The following PRKCB variants were observed in gnomAD, a reference collection of about 807,000 sequenced individuals.
PRKCB encodes protein kinase C beta, also known as protein kinase C beta type.
Under a neutral mutation model 81.5 loss-of-function variants are expected in PRKCB, and 13 were observed. The observed-to-expected ratio is 0.16, with a 90% CI of 0.10 to 0.25. The LOEUF is 0.25. PRKCB is among the 10% of genes least tolerant of loss of function. PRKCB has a pLI of 1.00. For synonymous variants in PRKCB, 335 were observed against 321.4 expected (o/e 1.04, Z -0.45); for missense variants, 509 against 875.7 (o/e 0.58, Z 5.29).
intron 9 of PRKCB, among the ~76,000 whole-genome samples, chr16:24,127,455 C>G (rs1233275636): frequency 6.6e-6 from 1 of 152,114 alleles, no homozygotes; most frequent in Admixed American, 6.5e-5. Context: ...CACTTTTATT[C>G]AGTTAATTTG....
At chr16:24,022,069 G>A (rs559525892) in intron 3 of PRKCB, among the ~76,000 whole-genome samples, 93 of 152,168 alleles carry the variant, frequency 6.1e-4, no homozygotes, top group South Asian at 1.2e-3. Flanking sequence ...GGATCCTGTG[G>A]AAACCTGATT....
intron 2 of PRKCB, among the ~76,000 whole-genome samples, chr16:23,894,441 A>G (rs1190039822): frequency 1.3e-5 from 2 of 152,240 alleles, no homozygotes; most frequent in African/African-American, 4.8e-5. Flanking sequence ...TAACTAATTT[A>G]CACACCACCT....
At position 23,966,545 on chromosome 16, in the gene PRKCB, A is replaced by G. The variant is rs75999385; in HGVS notation, c.206-21963A>G. Among the ~76,000 whole-genome samples the G allele has an allele frequency of 5.2e-3, 796 of 152,292 alleles. 5 individuals are homozygous for G. Among genetic ancestry groups the G allele is most frequent in the African/African-American group, 0.018 (766 of 41,564 alleles). On this transcript the variant is annotated intron_variant, in intron 2 of 16. Coordinates refer to ENST00000643927, the MANE Select transcript of PRKCB (RefSeq NM_002738.7). Reference sequence around the variant, plus strand: ...CATAGTAGCTTTTCTATAAGTGATTATTATTATTATCCCTTCGAATCTAAA... The same window carrying G: ...CATAGTAGCTTTTCTATAAGTGATTGTTATTATTATCCCTTCGAATCTAAA...
chr16:24,135,309 C>T (rs1276888787), intron 9 of PRKCB, among the ~76,000 whole-genome samples: 3 of 92,030 alleles, frequency 3.3e-5, no homozygotes, highest in African/African-American at 1.4e-4. Context: ...CCTCAGTGTC[C>T]CTTTTTTTTT....
intron 2 of PRKCB, among the ~76,000 whole-genome samples, chr16:23,919,127 A>G (rs987876697): frequency 3.3e-5 from 5 of 152,194 alleles, no homozygotes; most frequent in Admixed American, 3.3e-4. Flanking sequence ...TTAAAGGGTT[A>G]TGTAAATGTG....
In PRKCB at chr16:23,919,212, T is replaced by C. The variant is rs528525526; in HGVS notation, c.206-69296T>C. Among the ~76,000 whole-genome samples the C allele has an allele frequency of 2.8e-4, 43 of 152,298 alleles. 1 individual carries two copies. The South Asian group carries it at 8.1e-3, about 29-fold the overall frequency. ...ATATAAGTTGTTAAGGATCCAGCAG[T>C]AGAGAAAATTTCTGCACAAAAGTAA... On this transcript the variant is annotated intron_variant, in intron 2 of 16. Transcript: ENST00000643927.
intron 2 of PRKCB, among the ~76,000 whole-genome samples, chr16:23,875,810 C>CAT (rs10664787): frequency 0.12 from 6,983 of 59,614 alleles, 1,962 homozygotes; most frequent in East Asian, 0.34. Context: ...GTGTGTATAT[C>CAT]ATATATATAT....
At chr16:24,125,506 G>T (rs955435114) in intron 9 of PRKCB, among the ~76,000 whole-genome samples, 27 of 152,152 alleles carry the variant, frequency 1.8e-4, no homozygotes, top group Non-Finnish European at 7.3e-5. Flanking sequence ...CAACTTAGAC[G>T]CCACTTCTTC....
intron 9 of PRKCB, among the ~76,000 whole-genome samples, chr16:24,146,149 A>T (rs2141947434): frequency 6.6e-6 from 1 of 152,260 alleles, no homozygotes; most frequent in African/African-American, 2.4e-5. Flanking sequence ...CCTAGGAGGG[A>T]GGTGTGGATG....
At chr16:23,982,611 T>C (rs1964753240) in intron 2 of PRKCB, among the ~76,000 whole-genome samples, 1 of 151,730 alleles carries the variant, frequency 6.6e-6, no homozygotes, top group Non-Finnish European at 1.5e-5. Context: ...AAAAATTTTT[T>C]AGAGATGGAG....
intron 2 of PRKCB, among the ~76,000 whole-genome samples, chr16:23,882,022 C>CTTTCTTTCTTTCTCT (rs1567301134): frequency 7.0e-5 from 4 of 57,418 alleles, no homozygotes; most frequent in African/African-American, 2.1e-4. Flanking sequence ...TTCTTTCTTT[C>CTTTCTTTCTTTCTCT]TTCCTTCCTT....
At chr16:24,032,522 C>G (rs919646642) in intron 4 of PRKCB, among the ~76,000 whole-genome samples, 1 of 152,212 alleles carries the variant, frequency 6.6e-6, no homozygotes, top group African/African-American at 2.4e-5. Flanking sequence ...AGCATGAACT[C>G]ATGGTTCATG....
chr16:23,970,056 A>T (rs897764379), intron 2 of PRKCB, among the ~76,000 whole-genome samples: 2 of 152,174 alleles, frequency 1.3e-5, no homozygotes, highest in African/African-American at 4.8e-5. Context: ...GAAAAATTGA[A>T]ACCTTTTGGC....
chr16:23,950,643 T>C (rs1964268415), intron 2 of PRKCB, among the ~76,000 whole-genome samples: 1 of 152,178 alleles, frequency 6.6e-6, no homozygotes, highest in East Asian at 1.9e-4. Flanking sequence ...TGTTGGCTGT[T>C]TCCATTATTG....
intron 2 of PRKCB, among the ~76,000 whole-genome samples, chr16:23,870,723 G>A (rs8047317): frequency 0.42 from 63,987 of 152,070 alleles, 13,795 homozygotes; most frequent in South Asian, 0.64. Flanking sequence ...CACAAAGCAA[G>A]CTGTTTCTGA....
At chr16:23,898,483 C>G (rs1963415877) in intron 2 of PRKCB, among the ~76,000 whole-genome samples, 1 of 152,024 alleles carries the variant, frequency 6.6e-6, no homozygotes, top group African/African-American at 2.4e-5. Context: ...AGTAGGGAGA[C>G]AGACAAGCAA....
At chr16:23,971,119 T>C (rs1310134816) in intron 2 of PRKCB, among the ~76,000 whole-genome samples, 7 of 152,238 alleles carry the variant, frequency 4.6e-5, no homozygotes, top group Non-Finnish European at 8.8e-5. Context: ...ACAGTAAATA[T>C]GCAATGAAGT....
intron 5 of PRKCB, among the ~76,000 whole-genome samples, chr16:24,061,910 T>TTAAAAAAAA (rs1435113766): frequency 1.1e-5 from 1 of 93,744 alleles, no homozygotes; most frequent in Non-Finnish European, 2.2e-5. Flanking sequence ...CTTAAATAAA[T>TTAAAAAAAA]AAAAAAAAAA....
chr16:23,994,120 C>A (rs1460851804), intron 3 of PRKCB, among the ~76,000 whole-genome samples: 3 of 152,198 alleles, frequency 2.0e-5, no homozygotes, highest in Admixed American at 1.3e-4. Context: ...ATCAGGATAA[C>A]TGTGCACTAG....
Sources: allele counts gnomAD v4.1 joint callset (sites outside exome capture counted in the v4.1 genomes callset), GRCh38; gene constraint gnomAD v4.1.1; transcripts MANE v1.5; gene names NCBI Gene and HGNC (gene_info 2026-07-23, HGNC 2026-07-21).